The following HIVEP3 variants were observed in gnomAD, a reference collection of about 807,000 sequenced individuals.
The protein encoded by HIVEP3 is transcription factor HIVEP3.
Under a neutral mutation model 152.8 loss-of-function variants are expected in HIVEP3, and 49 were observed. That is an observed-to-expected ratio of 0.32 (90% CI 0.26 to 0.41). The LOEUF (loss-of-function observed/expected upper bound fraction) is 0.41, where lower values mean the gene tolerates loss of function less well. HIVEP3 is among the 10% of genes least tolerant of loss of function. The probability of loss-of-function intolerance (pLI) is 1.00; values close to 1 mark genes in which losing one functional copy is unlikely to be tolerated. For missense variants in HIVEP3, 2,790 were observed against 3,103.3 expected, an observed-to-expected ratio of 0.90 and a Z score of 2.40; for synonymous variants, 1,269 against 1,289.0, an observed-to-expected ratio of 0.98 and a Z score of 0.33.
chr1:41,907,066 C>A (rs1237359742), intron 1 of HIVEP3, among the ~76,000 whole-genome samples: 1 of 152,150 alleles, frequency 6.6e-6, no homozygotes, highest in Non-Finnish European at 1.5e-5. Flanking sequence ...AGAAGACTGG[C>A]AAGCCCGCAA....
Position 41,511,044 on chromosome 1 carries a change from G to A in HIVEP3, c.6628C>T (p.His2210Tyr). The change falls in exon 9 of 9, where the codon CAC becomes TAC. Residue 2210 changes from histidine (H) to tyrosine (Y), a missense_variant. This residue lies in a region of HIVEP3 where 816 missense variants were observed against 806.5 expected (regional missense o/e 1.01). Coordinates refer to ENST00000372583, the MANE Select transcript of HIVEP3 (RefSeq NM_024503.5). The surrounding 1 kb of genome is among the most constrained non-coding windows in gnomAD (Gnocchi z 4.9). ...GTGGGCCCTGGCAGCAGGGTGGGGT[G>A]GGCTCCTGGCCGGGCCTGCACCATC... ...IQMVQARPGAHPTLLPGPTAA... is the reference protein window; with the variant it reads ...IQMVQARPGAYPTLLPGPTAA... The A allele has an allele frequency of 6.2e-7, 1 of 1,613,828 alleles. No individual in the cohort carries two copies. Among genetic ancestry groups the A allele is most frequent in the African/African-American group, 1.3e-5 (1 of 75,060 alleles).
chr1:41,636,946 C>A (rs12749109), intron 2 of HIVEP3, among the ~76,000 whole-genome samples: 5,518 of 119,034 alleles, frequency 0.046, 150 homozygotes, highest in East Asian at 0.13. Context: ...GCAACAAGAG[C>A]GAAACTCCAT....
Position 41,915,369 on chromosome 1 carries a change from A to AT in HIVEP3, c.-801+3043dup, listed in dbSNP as rs56681528. The stretch of plus-strand genomic sequence containing the variant: ...TGCCTTGAATTCTTGTGCCTTTTAA[A>AT]TTTTTTTTTAGTTTTTCTGTTTTTT... On this transcript the variant is annotated intron_variant, in intron 1 of 8. Coordinates refer to ENST00000372583, the MANE Select transcript of HIVEP3 (RefSeq NM_024503.5). Among the ~76,000 whole-genome samples, 90 of 151,784 alleles carry AT rather than the reference A, an allele frequency of 5.9e-4. 1 individual carries two copies. Among genetic ancestry groups the AT allele is most frequent in the African/African-American group, 2.0e-3 (84 of 41,372 alleles).
chr1:41,999,220 C>G (rs925861724), intron 1 of HIVEP3, among the ~76,000 whole-genome samples: 2 of 151,946 alleles, frequency 1.3e-5, no homozygotes, highest in African/African-American at 4.8e-5. Flanking sequence ...AGTATAAAAG[C>G]AACGCATGCC....
intron 1 of HIVEP3, among the ~76,000 whole-genome samples, chr1:41,715,419 C>A (rs534660117): frequency 6.6e-6 from 1 of 152,250 alleles, no homozygotes; most frequent in South Asian, 2.1e-4. Context: ...CTGAAGGGGA[C>A]CCACGGCAAG....
At chr1:41,755,617 A>G (rs933629209) in intron 1 of HIVEP3, among the ~76,000 whole-genome samples, 1 of 152,096 alleles carries the variant, frequency 6.6e-6, no homozygotes, top group African/African-American at 2.4e-5. Context: ...TCAAAAAAAA[A>G]AAAACACCCA....
At chr1:41,807,024 G>A (rs1175694991) in intron 1 of HIVEP3, among the ~76,000 whole-genome samples, 3 of 151,924 alleles carry the variant, frequency 2.0e-5, no homozygotes, top group East Asian at 1.9e-4. Flanking sequence ...CTTCCTCCCC[G>A]CCCAGCCCAC....
intron 1 of HIVEP3, among the ~76,000 whole-genome samples, chr1:41,980,094 C>T (rs536808452): frequency 6.6e-6 from 1 of 152,300 alleles, no homozygotes; most frequent in South Asian, 2.1e-4. Flanking sequence ...AACAGGAAGA[C>T]TCTGACATTG....
intron 1 of HIVEP3, among the ~76,000 whole-genome samples, chr1:41,813,497 C>A (rs1029178626): frequency 6.6e-6 from 1 of 152,178 alleles, no homozygotes. Context: ...ACCCACATAC[C>A]GCCTTGCAAT....
chr1:41,999,715 C>A (rs1312532403), intron 1 of HIVEP3, among the ~76,000 whole-genome samples: 1 of 152,060 alleles, frequency 6.6e-6, no homozygotes, highest in Non-Finnish European at 1.5e-5. Context: ...AACAAGCCAG[C>A]AAGAACCTAA....
In HIVEP3 at chr1:41,510,529, G is replaced by C. The variant is rs1397650216; in HGVS notation, c.7143C>G (p.Asp2381Glu). ...CCCCACTTCCTGAGGGCTTGGGGGA[G>C]TCCTGCCTGGTCCTGGGTTCCCCGG... ...NLSGEPRTRQ[D>E]SPKPSGSGEP... is the part of the protein sequence containing the mutation. Residue 2381 changes from aspartate (D) to glutamate (E), a missense_variant, in exon 9 of 9, where the codon GAC becomes GAG. By Grantham distance (45) the Asp-to-Glu change is conservative (BLOSUM62 2). Around this residue, in one of 9 missense-constraint regions of HIVEP3, gnomAD observed 816 missense variants for 806.5 expected, o/e 1.01. Transcript: ENST00000372583. 1.3e-6 allele frequency: 2 copies of C among 1,586,014 alleles called. No homozygotes were observed. The highest frequency in any genetic ancestry group is 1.3e-5 in the African/African-American group (1 of 74,330).
At chr1:41,913,789 G>A (rs1644831456) in intron 1 of HIVEP3, among the ~76,000 whole-genome samples, 1 of 152,160 alleles carries the variant, frequency 6.6e-6, no homozygotes, top group African/African-American at 2.4e-5. Context: ...GAGATTCGGA[G>A]GAGCATATCG....
intron 3 of HIVEP3, among the ~76,000 whole-genome samples, chr1:41,613,635 T>C (rs967951449): frequency 1.3e-5 from 2 of 152,268 alleles, no homozygotes; most frequent in African/African-American, 4.8e-5. Flanking sequence ...AAACTTTGAG[T>C]ATCTTTCTCA....
intron 3 of HIVEP3, among the ~76,000 whole-genome samples, chr1:41,611,145 G>A (rs1372075003): frequency 6.6e-6 from 1 of 152,166 alleles, no homozygotes; most frequent in Non-Finnish European, 1.5e-5. Context: ...CAAAGGTCAC[G>A]GGTTGTCCAG....
chr1:41,739,128 G>T (rs1646960704), intron 1 of HIVEP3, among the ~76,000 whole-genome samples: 1 of 152,262 alleles, frequency 6.6e-6, no homozygotes, highest in Non-Finnish European at 1.5e-5. Flanking sequence ...CTGCCGCAAA[G>T]TGTGGCAAAG....
chr1:41,715,564 A>G (rs1646579873), intron 1 of HIVEP3, among the ~76,000 whole-genome samples: 1 of 152,148 alleles, frequency 6.6e-6, no homozygotes, highest in South Asian at 2.1e-4. Context: ...TCCCCAAGGC[A>G]GTTTATTGAC....
intron 1 of HIVEP3, among the ~76,000 whole-genome samples, chr1:41,896,688 C>T (rs754616760): frequency 3.7e-4 from 56 of 151,916 alleles, no homozygotes; most frequent in Non-Finnish European, 6.9e-4. Flanking sequence ...GATTCTCCTG[C>T]CTCAGCCTCC....
chr1:41,749,695 T>A (rs964443182), intron 1 of HIVEP3, among the ~76,000 whole-genome samples: 12 of 152,210 alleles, frequency 7.9e-5, no homozygotes, highest in Admixed American at 7.9e-4. Context: ...TTGGTCTTCA[T>A]TAGCTATGTG....
Position 41,581,741 on chromosome 1 carries a change from G to A in HIVEP3, c.3057C>T (p.Ser1019=). 6.2e-7 allele frequency: 1 copy of A among 1,606,294 alleles called. No individual in the cohort carries two copies. Among genetic ancestry groups the A allele is most frequent in the Non-Finnish European group, 8.5e-7 (1 of 1,176,994 alleles). The change falls in exon 4 of 9, where the codon TCC becomes TCT. Residue 1019 remains serine (S), a synonymous_variant. Transcript: ENST00000372583. The surrounding 1 kb of genome is among the most constrained non-coding windows in gnomAD (Gnocchi z 4.5). ...GGGCTGGAGCAGAAGGGCCTGTCAA[G>A]GACAAGCTGCCATAGTCAAAGGATT... is the stretch of plus-strand genomic sequence containing the variant. ...RSKSFDYGSL[S]LTGPSAPAPV...
Sources: gnomAD v4.1 joint callset for allele counts (sites outside exome capture counted in the v4.1 genomes callset) on GRCh38, gnomAD v4.1.1 for gene constraint, gnomAD v4.1.1 regional missense constraint, Gnocchi (gnomAD v3.1) non-coding constraint, MANE v1.5 for transcripts, NCBI Gene and HGNC (gene_info 2026-07-23, HGNC 2026-07-21) for gene names.